GRM3: variants seen among roughly 807,000 people sequenced by gnomAD.
GRM3 encodes the protein glutamate metabotropic receptor 3.
In GRM3, 26 loss-of-function variants were observed where a neutral mutation model predicts 70.5. The ratio of observed to expected loss-of-function variants is 0.37; its 90% CI spans 0.27 to 0.51. GRM3 has a LOEUF of 0.51. Among genes scored for constraint, GRM3 ranks in the 20% least tolerant of loss-of-function variants. The pLI is 0.93. For missense variants in GRM3, 859 were observed against 1,123.8 expected (o/e 0.76, Z 3.37); for synonymous variants, 443 against 434.9 (o/e 1.02, Z -0.23).
At chr7:86,767,336 C>T (rs1238192277) in intron 2 of GRM3, among the ~76,000 whole-genome samples, 1 of 151,544 alleles carries the variant, frequency 6.6e-6, no homozygotes, top group Non-Finnish European at 1.5e-5. Context: ...ATTACACCAT[C>T]ATGTTATGAG....
At chr7:86,694,926 G>T (rs1283661373) in intron 1 of GRM3, among the ~76,000 whole-genome samples, 1 of 152,136 alleles carries the variant, frequency 6.6e-6, no homozygotes, top group Admixed American at 6.5e-5. Flanking sequence ...TCTTTTCAGA[G>T]CACTTCTGTT....
intron 1 of GRM3, among the ~76,000 whole-genome samples, chr7:86,762,751 A>G (rs1442729295): frequency 6.6e-6 from 1 of 152,138 alleles, no homozygotes; most frequent in Non-Finnish European, 1.5e-5. Flanking sequence ...TGAGTCTTAA[A>G]TTGGTAAGTG....
At chr7:86,763,864 T>TG (rs912650912) in intron 1 of GRM3, among the ~76,000 whole-genome samples, 2 of 152,030 alleles carry the variant, frequency 1.3e-5, no homozygotes, top group African/African-American at 2.4e-5. Flanking sequence ...AACAGTGCTT[T>TG]GGGGGGTGGT....
chr7:86,735,156 G>A (rs942792553), intron 1 of GRM3, among the ~76,000 whole-genome samples: 1 of 152,204 alleles, frequency 6.6e-6, no homozygotes, highest in Non-Finnish European at 1.5e-5. Flanking sequence ...GAATGGGAAA[G>A]AGCGACTAGA....
At chr7:86,675,338 A>C (rs1207632326) in intron 1 of GRM3, among the ~76,000 whole-genome samples, 1 of 152,088 alleles carries the variant, frequency 6.6e-6, no homozygotes, top group Non-Finnish European at 1.5e-5. Flanking sequence ...TGCTTAAGTT[A>C]TAAGTCTTTA....
chr7:86,863,618 G>T (rs1798999817), intron 5 of GRM3, among the ~76,000 whole-genome samples: 1 of 152,176 alleles, frequency 6.6e-6, no homozygotes, highest in African/African-American at 2.4e-5. Flanking sequence ...CTTGAACAAT[G>T]AAAATATATC....
intron 2 of GRM3, among the ~76,000 whole-genome samples, chr7:86,770,879 A>G (rs1054990309): frequency 3.9e-5 from 6 of 152,066 alleles, no homozygotes; most frequent in South Asian, 4.1e-4. Flanking sequence ...CCTTGGCACT[A>G]TTGCTGTTTT....
chr7:86,721,512 G>A (rs1393839591), intron 1 of GRM3, among the ~76,000 whole-genome samples: 1 of 151,882 alleles, frequency 6.6e-6, no homozygotes, highest in Non-Finnish European at 1.5e-5. Flanking sequence ...TTATTGTTCT[G>A]GAATTCCAAT....
intron 3 of GRM3, among the ~76,000 whole-genome samples, chr7:86,837,326 C>T (rs929539883): frequency 1.3e-5 from 2 of 152,094 alleles, no homozygotes; most frequent in African/African-American, 4.8e-5. Flanking sequence ...TCCAGTTTTC[C>T]CTAAACAGTG....
At chr7:86,828,215 C>T (rs749992733) in intron 3 of GRM3, among the ~76,000 whole-genome samples, 4 of 149,734 alleles carry the variant, frequency 2.7e-5, no homozygotes, top group East Asian at 3.9e-4. Flanking sequence ...AAAAGGTGCT[C>T]AATATTATTA....
chr7:86,731,325 C>G (rs771531525), intron 1 of GRM3, among the ~76,000 whole-genome samples: 86 of 152,062 alleles, frequency 5.7e-4, no homozygotes, highest in Non-Finnish European at 1.1e-3. Flanking sequence ...TTTGATTTTT[C>G]TCTCTCCTTA....
At chr7:86,715,112 T>G (rs1222022920) in intron 1 of GRM3, among the ~76,000 whole-genome samples, 2 of 152,006 alleles carry the variant, frequency 1.3e-5, no homozygotes, top group Non-Finnish European at 2.9e-5. Flanking sequence ...CAAGCATATC[T>G]CCACCTTCTG....
intron 3 of GRM3, among the ~76,000 whole-genome samples, chr7:86,789,694 A>G (rs1290471972): frequency 1.3e-5 from 2 of 152,190 alleles, no homozygotes; most frequent in Non-Finnish European, 1.5e-5. Context: ...CATGTACTCA[A>G]TACATTTACT....
chr7:86,730,356 G>A (rs1404906984), intron 1 of GRM3, among the ~76,000 whole-genome samples: 1 of 151,676 alleles, frequency 6.6e-6, no homozygotes, highest in Non-Finnish European at 1.5e-5. Flanking sequence ...GGAGGCGGAG[G>A]TTGCAGTGAG....
At chr7:86,673,366 A>G (rs1034635531) in intron 1 of GRM3, among the ~76,000 whole-genome samples, 1 of 152,124 alleles carries the variant, frequency 6.6e-6, no homozygotes, top group South Asian at 2.1e-4. Flanking sequence ...TTATCCAATT[A>G]TCTATCCACT....
chr7:86,851,295 C>T (rs1044695928), intron 5 of GRM3, among the ~76,000 whole-genome samples: 1 of 152,116 alleles, frequency 6.6e-6, no homozygotes. Flanking sequence ...AGGATAGTTC[C>T]CAGTCCCTAA....
chr7:86,769,695 G>A (rs574628999), intron 2 of GRM3, among the ~76,000 whole-genome samples: 1 of 152,226 alleles, frequency 6.6e-6, no homozygotes, highest in East Asian at 1.9e-4. Flanking sequence ...GACTTGCTGG[G>A]TTAAGCTGTA....
At chr7:86,748,244 T>G (rs1390302475) in intron 1 of GRM3, among the ~76,000 whole-genome samples, 1 of 152,098 alleles carries the variant, frequency 6.6e-6, no homozygotes, top group East Asian at 1.9e-4. Flanking sequence ...ATATATTTTT[T>G]GTTTTGGCTC....
intron 2 of GRM3, among the ~76,000 whole-genome samples, chr7:86,770,082 T>C (rs1796700542): frequency 1.3e-5 from 2 of 152,178 alleles, no homozygotes; most frequent in Non-Finnish European, 2.9e-5. Flanking sequence ...TCGAATAGAC[T>C]GTAGTTAACT....
Sources: gnomAD v4.1 joint callset for allele counts (sites outside exome capture counted in the v4.1 genomes callset) on GRCh38, gnomAD v4.1.1 for gene constraint, MANE v1.5 for transcripts, NCBI Gene and HGNC (gene_info 2026-07-23, HGNC 2026-07-21) for gene names.